Variants in ZNF490 observed in about 807,000 individuals in gnomAD.
ZNF490 encodes the protein zinc finger protein 490.
In ZNF490, 11 loss-of-function variants were observed where a neutral mutation model predicts 17.7. The ratio of observed to expected loss-of-function variants is 0.62; its 90% CI spans 0.39 to 1.03. The LOEUF is 1.03. Among genes scored for constraint, ZNF490 ranks in the 50% least tolerant of loss-of-function variants. The pLI is 0.00. For missense variants in ZNF490, 542 were observed against 643.4 expected, an observed-to-expected ratio of 0.84 and a Z score of 1.71; for synonymous variants, 222 against 216.1, an observed-to-expected ratio of 1.03 and a Z score of -0.24.
chr19:12,591,155 G>A (rs1301406490), intron 2 of ZNF490, among the ~76,000 whole-genome samples: 4 of 151,326 alleles, frequency 2.6e-5, no homozygotes, highest in Non-Finnish European at 4.4e-5. Flanking sequence ...TTGGGAGGCC[G>A]AGGTGGGCGG....
intron 2 of ZNF490, among the ~76,000 whole-genome samples, chr19:12,588,783 G>A (rs1052114188): frequency 1.3e-5 from 2 of 152,114 alleles, no homozygotes; most frequent in Non-Finnish European, 2.9e-5. Flanking sequence ...CTCAGATCCA[G>A]AATTGATAAC....
At chr19:12,583,290 C>T in intron 3 of ZNF490, 140 bp downstream of exon 3, 1 of 964,930 alleles carries the variant, frequency 1.0e-6, no homozygotes, top group Non-Finnish European at 1.5e-6. Flanking sequence ...CCGCCCGCCT[C>T]AGCCTCCCAA....
intron 2 of ZNF490, among the ~76,000 whole-genome samples, chr19:12,597,863 G>A (rs962842233): frequency 1.3e-5 from 2 of 152,108 alleles, no homozygotes; most frequent in African/African-American, 4.8e-5. Context: ...TTGAGGCCAG[G>A]ATTTTCACAC....
chr19:12,581,639 T>C lies in ZNF490; in HGVS notation c.436A>G (p.Asn146Asp). The C allele has an allele frequency of 6.2e-7, 1 of 1,614,174 alleles. No individual in the cohort carries two copies. Among genetic ancestry groups the C allele is most frequent in the Non-Finnish European group, 8.5e-7 (1 of 1,180,020 alleles). Residue 146 changes from asparagine (N) to aspartate (D), a missense_variant, in exon 5 of 5, where the codon AAC (asparagine) becomes GAC (aspartate). Transcript: ENST00000311437. Reference protein sequence around the residue: ...STSQIPDLNTNLETPTGLKPC... With the variant: ...STSQIPDLNTDLETPTGLKPC... ...TTTAATCCAGTAGGAGTTTCCAGGT[T>C]CGTATTAAGATCAGGAATCTGGCTA...
In ZNF490 at chr19:12,580,375, T is replaced by G; in HGVS notation, c.*110A>C. 1 of 1,487,276 alleles carries G rather than the reference T, an allele frequency of 6.7e-7. No individual in the cohort carries two copies. Among genetic ancestry groups the G allele is most frequent in the East Asian group, 2.3e-5 (1 of 43,900 alleles). 92.1% of individuals were successfully genotyped at this position (1,487,276 alleles called of 1,614,324 possible). On this transcript the variant is annotated 3_prime_UTR_variant, in exon 5 of 5. Transcript: ENST00000311437. ...CGTCTTCAAAGGGAATTAGGACAACTGAAGGCTTAATCACACCGTTTACAT... is the reference window on the plus strand; with the variant it reads ...CGTCTTCAAAGGGAATTAGGACAACGGAAGGCTTAATCACACCGTTTACAT...
rs1568278638 is a variant in ZNF490 at position 12,583,806 on chromosome 19, TA to T, written c.163-251del. Among the ~76,000 whole-genome samples, 334 of 117,564 alleles carry T rather than the reference TA, an allele frequency of 2.8e-3. 2 individuals are homozygous for T. Among genetic ancestry groups the T allele is most frequent in the African/African-American group, 0.011 (320 of 30,382 alleles). 77.1% of individuals were successfully genotyped at this position (117,564 alleles called of 152,430 possible). A position where few individuals can be genotyped will look rare whatever the true frequency, so the allele number is the denominator to read the frequency against. On this transcript the variant is annotated intron_variant, in intron 2 of 4. Transcript: ENST00000311437. ...CTCTCTCTCTCTATATATATATATA[TA>T]TATATTTTTTTTTTTTTTTTTTTGA... is the stretch of plus-strand genomic sequence containing the variant.
intron 2 of ZNF490, among the ~76,000 whole-genome samples, chr19:12,604,272 T>C (rs985119458): frequency 2.0e-4 from 30 of 152,134 alleles, no homozygotes; most frequent in Non-Finnish European, 3.8e-4. Flanking sequence ...TCCCAGCACT[T>C]TGGGAGGCTG....
intron 2 of ZNF490, among the ~76,000 whole-genome samples, chr19:12,601,382 C>T (rs1208855216): frequency 6.7e-6 from 1 of 149,778 alleles, no homozygotes; most frequent in Non-Finnish European, 1.5e-5. Context: ...AGCAAGACTC[C>T]GTCTGAAAAA....
In ZNF490 at chr19:12,578,094, T is replaced by C. The variant is rs952113358; in HGVS notation, c.*2391A>G. ...GCTGGAGCGCTGCAGGGTGGGTCCT[T>C]TTCCAAGAAGAGCTAAGTGCTAGTC... On this transcript the variant is annotated 3_prime_UTR_variant, in exon 5 of 5. Coordinates refer to ENST00000311437, the MANE Select transcript of ZNF490 (RefSeq NM_020714.3). 7.1e-6 allele frequency: 7 copies of C among 985,448 alleles called. No individual in the cohort carries two copies. The highest frequency in any genetic ancestry group is 8.4e-6 in the Non-Finnish European group (7 of 829,988). 61.0% of individuals were successfully genotyped at this position (985,448 alleles called of 1,614,324 possible).
chr19:12,582,724 G>T lies in ZNF490; in HGVS notation c.350+126C>A. 6 of 891,158 alleles carry T rather than the reference G, an allele frequency of 6.7e-6. No homozygotes were observed. In the South Asian group the frequency reaches 7.1e-5, roughly 11 times the overall value. 55.2% of individuals were successfully genotyped at this position (891,158 alleles called of 1,614,324 possible). ...TGACAGTTTCAATGAAACACCTTCAGTAAAAATTTTCTAAGAATGAATAAA... is the reference window on the plus strand; with the variant it reads ...TGACAGTTTCAATGAAACACCTTCATTAAAAATTTTCTAAGAATGAATAAA... On this transcript the variant is annotated intron_variant, in intron 4 of 4. Coordinates refer to ENST00000311437, the MANE Select transcript of ZNF490 (RefSeq NM_020714.3).
chr19:12,609,070 C>A, intron 2 of ZNF490, 88 bp downstream of exon 2: 1 of 1,309,526 alleles, frequency 7.6e-7, no homozygotes, highest in South Asian at 1.2e-5. Flanking sequence ...CGAAAGACCC[C>A]CCCACAAAGA....
chr19:12,595,152 T>A (rs1176297814), intron 2 of ZNF490, among the ~76,000 whole-genome samples: 1 of 152,102 alleles, frequency 6.6e-6, no homozygotes, highest in African/African-American at 2.4e-5. Context: ...TCTCTCTTTT[T>A]TTTTTTGAGA....
chr19:12,580,424 A>T lies in ZNF490; in HGVS notation c.*61T>A. 1 of 1,516,658 alleles carries T rather than the reference A, an allele frequency of 6.6e-7. No individual in the cohort carries two copies. The highest frequency in any genetic ancestry group is 2.2e-5 in the Admixed American group (1 of 44,692). The allele number at this position is 1,516,658 out of a possible 1,614,324, so 94.0% of individuals were successfully genotyped here. ...ATTCCTTGAATTTCTCTCCAGCGTA[A>T]GTACTCTCATACATCCAAAAGGAAC... On this transcript the variant is annotated 3_prime_UTR_variant, in exon 5 of 5. Transcript: ENST00000311437.
At chr19:12,583,942 C>G (rs1443696409) in intron 2 of ZNF490, among the ~76,000 whole-genome samples, 1 of 150,776 alleles carries the variant, frequency 6.6e-6, no homozygotes, top group African/African-American at 2.4e-5. Flanking sequence ...TCCCGAGTAG[C>G]TGGGACTACA....
intron 2 of ZNF490, among the ~76,000 whole-genome samples, chr19:12,604,263 C>A (rs2023040975): frequency 6.6e-6 from 1 of 152,164 alleles, no homozygotes; most frequent in South Asian, 2.1e-4. Flanking sequence ...CGCCTGTAAT[C>A]CCAGCACTTT....
chr19:12,583,789 C>A (rs865799823), intron 2 of ZNF490, among the ~76,000 whole-genome samples: 10,354 of 85,478 alleles, frequency 0.12, 635 homozygotes, highest in African/African-American at 0.14. Flanking sequence ...CTCTCTCTCT[C>A]TCTATATATA....
chr19:12,608,203 T>A (rs917336948), intron 2 of ZNF490, among the ~76,000 whole-genome samples: 1 of 152,156 alleles, frequency 6.6e-6, no homozygotes, highest in Non-Finnish European at 1.5e-5. Context: ...ATCCGTCTCT[T>A]GCATGTTTAC....
chr19:12,581,601 G>A lies in ZNF490; in HGVS notation c.474C>T (p.Cys158=). ...GCATGAAGACTTCCCCACACACACT[G>A]CAGTCACATGGTTTTAATCCAGTAG... is the stretch of plus-strand genomic sequence containing the variant. ...ETPTGLKPCD[C]SVCGEVFMHQ... The change falls in exon 5 of 5, where the codon TGC becomes TGT. Residue 158 remains cysteine, a synonymous_variant. Coordinates refer to ENST00000311437, the MANE Select transcript of ZNF490 (RefSeq NM_020714.3). 2 of 1,614,128 alleles carry A rather than the reference G, an allele frequency of 1.2e-6. No homozygotes were observed. The highest frequency in any genetic ancestry group is 1.7e-6 in the Non-Finnish European group (2 of 1,180,024).
Position 12,577,408 on chromosome 19 carries a change from A to T in ZNF490, c.*3077T>A. 1.0e-6 allele frequency: 1 copy of T among 983,808 alleles called. No homozygotes were observed. Among genetic ancestry groups the T allele is most frequent in the Non-Finnish European group, 1.2e-6 (1 of 828,452 alleles). 60.9% of individuals were successfully genotyped at this position (983,808 alleles called of 1,614,324 possible). A position where few individuals can be genotyped will look rare whatever the true frequency, so the allele number is the denominator to read the frequency against. On this transcript the variant is annotated 3_prime_UTR_variant, in exon 5 of 5. Coordinates refer to ENST00000311437, the MANE Select transcript of ZNF490 (RefSeq NM_020714.3). ...CGAACTTCCTGACCTCCCACAGTACAATAATCATCTCTCTACAAAAGCACA... is the reference window on the plus strand; with the variant it reads ...CGAACTTCCTGACCTCCCACAGTACTATAATCATCTCTCTACAAAAGCACA...
Sources: gnomAD v4.1 joint callset for allele counts (sites outside exome capture counted in the v4.1 genomes callset) on GRCh38, gnomAD v4.1.1 for gene constraint, MANE v1.5 for transcripts, NCBI Gene and HGNC (gene_info 2026-07-23, HGNC 2026-07-21) for gene names.